PLEKHM2: variants seen among roughly 807,000 people sequenced by gnomAD.
PLEKHM2 encodes pleckstrin homology and RUN domain containing M2.
In PLEKHM2, 77 loss-of-function variants were observed where a neutral mutation model predicts 116.3. The ratio of observed to expected loss-of-function variants is 0.66; its 90% CI spans 0.55 to 0.80. PLEKHM2 has a LOEUF of 0.80. Among genes scored for constraint, PLEKHM2 ranks in the 30% least tolerant of loss-of-function variants. The pLI, the probability that PLEKHM2 is intolerant of heterozygous loss-of-function variation, is 0.00. For missense variants in PLEKHM2, 1,183 were observed against 1,354.9 expected (o/e 0.87, Z 1.99); for synonymous variants, 562 against 571.0 (o/e 0.98, Z 0.22).
In PLEKHM2 at chr1:15,729,046, T is replaced by C; in HGVS notation, c.1987-56T>C. ...AGCGCTCAGCCTGGCCAAGCTGCCT[T>C]CTCCGCCAGGCAGCAGCTAAGCCCC... On this transcript the variant is annotated intron_variant, in intron 12 of 19. Transcript: ENST00000375799. This position sits in a 1 kb window ranked among gnomAD's most constrained non-coding sequence, Gnocchi z 4.7. 1 of 1,494,600 alleles carries C rather than the reference T, an allele frequency of 6.7e-7. No individual in the cohort carries two copies. Among genetic ancestry groups the C allele is most frequent in the Non-Finnish European group, 9.2e-7 (1 of 1,091,706 alleles). The allele number at this position is 1,494,600 out of a possible 1,614,324, so 92.6% of individuals were successfully genotyped here.
chr1:15,731,185 C>A lies in PLEKHM2; in HGVS notation c.2400-7C>A. ...GGCCTCACTCGCCCTGTGTTGTGCC[C>A]CTGCAGCAACGGGATCCTCTACCAG... On this transcript the variant is annotated splice_polypyrimidine_tract_variant and splice_region_variant and intron_variant, in intron 15 of 19. Coordinates refer to ENST00000375799, the MANE Select transcript of PLEKHM2 (RefSeq NM_015164.4). 6.3e-7 allele frequency: 1 copy of A among 1,590,036 alleles called. No individual in the cohort carries two copies.
chr1:15,727,541 C>T lies in PLEKHM2; in HGVS notation c.1469C>T (p.Pro490Leu), dbSNP rs368020288. ...GHHDPAGLGQ[P>L]LHVPSSPEAA... Reference sequence around the variant, plus strand: ...CATGACCCTGCAGGGCTTGGCCAACCGCTGCATGTTCCTAGTAGCCCTGAG... The same window carrying T: ...CATGACCCTGCAGGGCTTGGCCAACTGCTGCATGTTCCTAGTAGCCCTGAG... The change falls in exon 9 of 20, where the codon CCG becomes CTG. Residue 490 changes from proline to leucine, a missense_variant. Pro to Leu is a moderately conservative substitution (Grantham distance 98). Transcript: ENST00000375799. This position sits in a 1 kb window ranked among gnomAD's most constrained non-coding sequence, Gnocchi z 7.5. 3.3e-5 allele frequency: 52 copies of T among 1,576,868 alleles called. No individual in the cohort carries two copies. The East Asian group carries it at 5.1e-4, about 16-fold the overall frequency.
chr1:15,712,219 G>GAGA (rs1316592667), intron 1 of PLEKHM2, among the ~76,000 whole-genome samples: 1 of 151,848 alleles, frequency 6.6e-6, no homozygotes, highest in Non-Finnish European at 1.5e-5. Flanking sequence ...CCTAGAAGAA[G>GAGA]AGAAACACGT....
chr1:15,712,176 G>A (rs1437028038), intron 1 of PLEKHM2, among the ~76,000 whole-genome samples: 1 of 151,680 alleles, frequency 6.6e-6, no homozygotes, highest in Non-Finnish European at 1.5e-5. Flanking sequence ...AGCAGCCAGT[G>A]GAAGATTGGG....
At chr1:15,702,501 C>T (rs894558968) in intron 1 of PLEKHM2, among the ~76,000 whole-genome samples, 4 of 152,028 alleles carry the variant, frequency 2.6e-5, no homozygotes, top group Non-Finnish European at 4.4e-5. Context: ...CTGTAACCTC[C>T]GCCTCCCAGG....
chr1:15,723,820 T>A (rs1415458019), intron 7 of PLEKHM2, among the ~76,000 whole-genome samples: 1 of 149,906 alleles, frequency 6.7e-6, no homozygotes, highest in Non-Finnish European at 1.5e-5. Context: ...CCAAGGGCAC[T>A]AAGTTGACAG....
intron 1 of PLEKHM2, among the ~76,000 whole-genome samples, chr1:15,710,515 C>G (rs1308573163): frequency 6.6e-6 from 1 of 151,640 alleles, no homozygotes; most frequent in Non-Finnish European, 1.5e-5. Context: ...TTAGTACAGA[C>G]AGAGTTTTAC....
At chr1:15,716,091 CA>C (rs1263069978) in intron 1 of PLEKHM2, 145 bp from the exon 2 acceptor site, 38 of 597,460 alleles carry the variant, frequency 6.4e-5, no homozygotes, top group Non-Finnish European at 9.3e-5. Context: ...GCAGCTGGGA[CA>C]GGGGTGGTTT....
chr1:15,716,089 G>C (rs1006753471), intron 1 of PLEKHM2, 148 bp from the exon 2 acceptor site: 4 of 597,294 alleles, frequency 6.7e-6, no homozygotes, highest in Middle Eastern at 8.6e-4. Context: ...CAGCAGCTGG[G>C]ACAGGGGTGG....
At chr1:15,714,006 A>G (rs1485867066) in intron 1 of PLEKHM2, among the ~76,000 whole-genome samples, 1 of 150,828 alleles carries the variant, frequency 6.6e-6, no homozygotes, top group Non-Finnish European at 1.5e-5. Flanking sequence ...CAGTGGCACA[A>G]TCTCAGCTCA....
chr1:15,720,012 T>C, intron 6 of PLEKHM2, 92 bp downstream of exon 6: 1 of 1,107,770 alleles, frequency 9.0e-7, no homozygotes, highest in Non-Finnish European at 1.3e-6. Flanking sequence ...CCTTGGCTAG[T>C]TTTGGTCTGG....
At chr1:15,695,634 C>T (rs1640979230) in intron 1 of PLEKHM2, among the ~76,000 whole-genome samples, 1 of 152,114 alleles carries the variant, frequency 6.6e-6, no homozygotes, top group Non-Finnish European at 1.5e-5. Flanking sequence ...GCCTCAGCCT[C>T]CCAAGTAGCT....
intron 8 of PLEKHM2, 26 bp from the exon 9 acceptor site, chr1:15,726,988 C>T (rs2068070854): frequency 3.5e-6 from 5 of 1,424,820 alleles, no homozygotes; most frequent in Non-Finnish European, 4.6e-6. Flanking sequence ...CAGGGGTTAA[C>T]ACTCTCCCCG....
rs1313580255 is a variant in PLEKHM2 at position 15,734,171 on chromosome 1, G to A, written c.*237G>A. On this transcript the variant is annotated 3_prime_UTR_variant, in exon 20 of 20. Transcript: ENST00000375799. Reference sequence around the variant, plus strand: ...GCGAATGGAGGTCGCTGGGGGCAGAGGGTCCGAGCCCTGTGGGCTCTGCGG... The same window carrying A: ...GCGAATGGAGGTCGCTGGGGGCAGAAGGTCCGAGCCCTGTGGGCTCTGCGG... 1 of 553,836 alleles carries A rather than the reference G, an allele frequency of 1.8e-6. No homozygotes were observed. The highest frequency in any genetic ancestry group is 1.9e-5 in the African/African-American group (1 of 52,134). The allele number at this position is 553,836 out of a possible 1,614,324, so 34.3% of individuals were successfully genotyped here. A position where few individuals can be genotyped will look rare whatever the true frequency, so the allele number is the denominator to read the frequency against.
At chr1:15,706,541 G>T (rs1014000014) in intron 1 of PLEKHM2, among the ~76,000 whole-genome samples, 4 of 152,094 alleles carry the variant, frequency 2.6e-5, no homozygotes, top group Admixed American at 2.6e-4. Context: ...GAGTAGCTGG[G>T]ATTACAGGTG....
chr1:15,701,790 CAAAAA>C (rs1243243236), intron 1 of PLEKHM2, among the ~76,000 whole-genome samples: 2 of 152,010 alleles, frequency 1.3e-5, no homozygotes, highest in Non-Finnish European at 2.9e-5. Context: ...GAATCCCTCT[CAAAAA>C]AGAAAAGAAA....
intron 1 of PLEKHM2, among the ~76,000 whole-genome samples, chr1:15,714,348 TAAAAA>T (rs764341573): frequency 1.8e-5 from 2 of 110,236 alleles, no homozygotes; most frequent in African/African-American, 6.5e-5. Flanking sequence ...ATTTTGAAAT[TAAAAA>T]AAAAAAAAAA....
chr1:15,698,672 C>A (rs548633256), intron 1 of PLEKHM2, among the ~76,000 whole-genome samples: 1 of 151,596 alleles, frequency 6.6e-6, no homozygotes, highest in African/African-American at 2.4e-5. Flanking sequence ...CTCAGCCTCC[C>A]AAGTAGCTGG....
intron 16 of PLEKHM2, 88 bp from the exon 17 acceptor site, chr1:15,731,801 G>A: frequency 1.7e-6 from 2 of 1,156,934 alleles, no homozygotes; most frequent in Non-Finnish European, 1.2e-6. Flanking sequence ...CAGACCCTGT[G>A]CCGCACACCC....
Sources: gnomAD v4.1 joint callset for allele counts (sites outside exome capture counted in the v4.1 genomes callset) on GRCh38, gnomAD v4.1.1 for gene constraint, Gnocchi (gnomAD v3.1) non-coding constraint, MANE v1.5 for transcripts, NCBI Gene and HGNC (gene_info 2026-07-23, HGNC 2026-07-21) for gene names.